Variants in LDLRAD4 observed in about 807,000 individuals in gnomAD.
LDLRAD4 encodes low-density lipoprotein receptor class A domain-containing protein 4.
Under a neutral mutation model 17.0 loss-of-function variants are expected in LDLRAD4, and 5 were observed. The observed-to-expected ratio is 0.29, with a 90% CI of 0.15 to 0.62. The LOEUF (loss-of-function observed/expected upper bound fraction) is 0.62. Ranked by LOEUF, LDLRAD4 falls within the 20% of genes least tolerant of loss-of-function variation. LDLRAD4 has a pLI of 0.84. For synonymous variants in LDLRAD4, 168 were observed against 171.8 expected (o/e 0.98, Z 0.17); for missense variants, 340 against 424.7 (o/e 0.80, Z 1.75).
chr18:13,365,937 C>A (rs1391288683), intron 1 of LDLRAD4, among the ~76,000 whole-genome samples: 1 of 152,172 alleles, frequency 6.6e-6, no homozygotes, highest in Non-Finnish European at 1.5e-5. Flanking sequence ...TCACACCTGG[C>A]TAATTTTTTG....
At chr18:13,399,957 A>G (rs60754013) in intron 2 of LDLRAD4, among the ~76,000 whole-genome samples, 24,240 of 152,226 alleles carry the variant, frequency 0.16, 2,069 homozygotes, top group East Asian at 0.25. Context: ...ATTTTATAAC[A>G]AAGTGGAAAT....
At chr18:13,605,466 T>C (rs2095213783) in intron 3 of LDLRAD4, among the ~76,000 whole-genome samples, 1 of 152,210 alleles carries the variant, frequency 6.6e-6, no homozygotes, top group South Asian at 2.1e-4. Context: ...AGTCCTCCTA[T>C]CTTGGCCTCC....
intron 1 of LDLRAD4, among the ~76,000 whole-genome samples, chr18:13,364,934 C>A (rs2083945681): frequency 2.0e-5 from 3 of 152,180 alleles, no homozygotes; most frequent in African/African-American, 7.2e-5. Context: ...GGATAGTGTC[C>A]TTGTCTGTAA....
chr18:13,363,407 C>T (rs1008397308), intron 1 of LDLRAD4, among the ~76,000 whole-genome samples: 12 of 149,836 alleles, frequency 8.0e-5, no homozygotes, highest in South Asian at 2.1e-4. Flanking sequence ...TTTCCCTTAA[C>T]GAAGGTCTTC....
chr18:13,328,159 G>A (rs1291007358), intron 1 of LDLRAD4, among the ~76,000 whole-genome samples: 1 of 152,202 alleles, frequency 6.6e-6, no homozygotes, highest in Non-Finnish European at 1.5e-5. Context: ...CAAAGCCGCT[G>A]ACCTTGGAGT....
chr18:13,569,188 C>G (rs970459112), intron 3 of LDLRAD4, among the ~76,000 whole-genome samples: 1 of 152,246 alleles, frequency 6.6e-6, no homozygotes. Flanking sequence ...CTTTGCCCTC[C>G]TCCCCACTCC....
rs73956142 is a variant in LDLRAD4, at chr18:13,412,879, T to C, written c.40+25117T>C. Among the ~76,000 whole-genome samples the C allele has an allele frequency of 7.8e-3, 1,187 of 152,338 alleles. 18 individuals carry two copies. The highest frequency in any genetic ancestry group is 0.026 in the African/African-American group (1,090 of 41,584). ...CGATCACTTTGCTCCCAGCAGCTTC[T>C]CAAATTTTTATTGATCTATGAACCG... is the stretch of plus-strand genomic sequence containing the variant. On this transcript the variant is annotated intron_variant, in intron 2 of 5. Coordinates refer to ENST00000359446, the Ensembl canonical transcript of LDLRAD4.
chr18:13,247,493 T>C (rs747354541), intron 1 of LDLRAD4, among the ~76,000 whole-genome samples: 33 of 152,234 alleles, frequency 2.2e-4, no homozygotes, highest in Non-Finnish European at 3.7e-4. Flanking sequence ...CTGCTTTTTA[T>C]TCTTTGTTCT....
chr18:13,441,192 T>A (rs565364825), intron 3 of LDLRAD4, among the ~76,000 whole-genome samples: 2 of 152,294 alleles, frequency 1.3e-5, no homozygotes, highest in Admixed American at 1.3e-4. Context: ...CCGTATTCTG[T>A]TGGGCAGCGA....
At chr18:13,599,459 C>G (rs530097082) in intron 3 of LDLRAD4, among the ~76,000 whole-genome samples, 2 of 150,060 alleles carry the variant, frequency 1.3e-5, no homozygotes, top group East Asian at 3.9e-4. Context: ...TGTGGAACTT[C>G]TCAGCTCACT....
At chr18:13,638,316 T>A (rs566284014) in intron 4 of LDLRAD4, among the ~76,000 whole-genome samples, 2 of 152,218 alleles carry the variant, frequency 1.3e-5, no homozygotes, top group Non-Finnish European at 2.9e-5. Context: ...ATGAAAAGCA[T>A]GGCCAGAATT....
chr18:13,230,897 T>C (rs2042038846), intron 1 of LDLRAD4, among the ~76,000 whole-genome samples: 1 of 152,218 alleles, frequency 6.6e-6, no homozygotes, highest in African/African-American at 2.4e-5. Flanking sequence ...GGGGAGGGAT[T>C]GAATACACCA....
chr18:13,544,005 C>T (rs1244965459), intron 3 of LDLRAD4, among the ~76,000 whole-genome samples: 2 of 152,238 alleles, frequency 1.3e-5, no homozygotes, highest in Admixed American at 6.5e-5. Context: ...TACGTGCATA[C>T]GTGTGGACGT....
upstream of LDLRAD4, among the ~76,000 whole-genome samples, chr18:13,277,219 C>T (rs115224145): frequency 0.011 from 1,720 of 152,220 alleles, 40 homozygotes; most frequent in African/African-American, 0.04. Context: ...GGGGTACGAG[C>T]CTCCTGGAGA....
At position 13,412,643 on chromosome 18, in the gene LDLRAD4, C is replaced by T. The variant is rs183530227; in HGVS notation, c.40+24881C>T. Among the ~76,000 whole-genome samples, 11 of 152,248 alleles carry T rather than the reference C, an allele frequency of 7.2e-5. No individual in the cohort carries two copies. In the East Asian group the frequency reaches 1.3e-3, roughly 19 times the overall value. On this transcript the variant is annotated intron_variant, in intron 2 of 5. Coordinates refer to ENST00000359446, the Ensembl canonical transcript of LDLRAD4. ...CCTCCACTCCAGCAGGGCAGGTGGACTGAACTAGCTATATAATTACGGTGG... is the reference window on the plus strand; with the variant it reads ...CCTCCACTCCAGCAGGGCAGGTGGATTGAACTAGCTATATAATTACGGTGG...
At chr18:13,642,209 T>A in intron 4 of LDLRAD4, 2 of 985,750 alleles carry the variant, frequency 2.0e-6, no homozygotes, top group Non-Finnish European at 2.4e-6. Context: ...GCTCGGTGTT[T>A]CTTCCGCGCC....
intron 1 of LDLRAD4, among the ~76,000 whole-genome samples, chr18:13,225,272 G>A (rs1725532069): frequency 6.6e-6 from 1 of 152,248 alleles, no homozygotes; most frequent in South Asian, 2.1e-4. Flanking sequence ...CCCAAGAGAT[G>A]CACATATCAT....
intron 1 of LDLRAD4, among the ~76,000 whole-genome samples, chr18:13,321,123 G>A (rs2081192827): frequency 6.6e-6 from 1 of 152,186 alleles, no homozygotes; most frequent in Non-Finnish European, 1.5e-5. Context: ...CGAGCATGCT[G>A]CAGGACTCCG....
rs145359781 is a variant in LDLRAD4, at chr18:13,604,513, T to C, written c.182-16604T>C. Among the ~76,000 whole-genome samples, 13 of 152,276 alleles carry C rather than the reference T, an allele frequency of 8.5e-5. No homozygotes were observed. In the East Asian group the frequency reaches 2.5e-3, roughly 29 times the overall value. On this transcript the variant is annotated intron_variant, in intron 3 of 5. Transcript: ENST00000359446. ...TCAGTCTCTCAAGGGGCAGTTACAA[T>C]TTTTATGGGGTTAAAAACTGAGAAC...
Sources: allele counts gnomAD v4.1 joint callset (sites outside exome capture counted in the v4.1 genomes callset), GRCh38; gene constraint gnomAD v4.1.1; transcripts MANE v1.5; gene names NCBI Gene and HGNC (gene_info 2026-07-23, HGNC 2026-07-21).